Variants in OOSP1 observed in about 807,000 individuals in gnomAD.
OOSP1 encodes oocyte secreted protein 1, also known as putative oocyte-secreted protein 1 homolog.
A neutral mutation model predicts 5.7 loss-of-function variants in OOSP1; 11 were observed. That is an observed-to-expected ratio of 1.94 (90% CI 1.22 to 3.20). OOSP1 has a LOEUF of 3.20. OOSP1 is among the 30% of genes most tolerant of loss of function. The pLI, the probability that OOSP1 is intolerant of heterozygous loss-of-function variation, is 0.00. For synonymous variants in OOSP1, 44 were observed against 20.0 expected (o/e 2.20, Z -3.20); for missense variants, 83 against 54.1 (o/e 1.53, Z -1.67).
chr11:59,945,002 T>C (rs1171791887), intron 2 of OOSP1, among the ~76,000 whole-genome samples, 167 bp from the exon 3 acceptor site: 1 of 152,212 alleles, frequency 6.6e-6, no homozygotes, highest in Non-Finnish European at 1.5e-5. Context: ...CATCTGTCAG[T>C]TTGGAAAATG....
At chr11:59,947,288 C>CT (rs373576276) in intron 3 of OOSP1, among the ~76,000 whole-genome samples, 1,940 of 151,006 alleles carry the variant, frequency 0.013, 19 homozygotes, top group Middle Eastern at 0.031. Context: ...TATTCTTCTT[C>CT]TTTTTTTTTG....
At chr11:59,947,579 C>CTGGGGTGGGGTGTGT (rs1296262473) in intron 3 of OOSP1, among the ~76,000 whole-genome samples, 154 bp from the exon 4 acceptor site, 8 of 152,076 alleles carry the variant, frequency 5.3e-5, no homozygotes, top group Admixed American at 1.3e-4. Context: ...CTGTGATGTT[C>CTGGGGTGGGGTGTGT]TGGGGTGGGG....
chr11:59,949,945 G>C (rs187815800), intron 4 of OOSP1, among the ~76,000 whole-genome samples: 3 of 152,272 alleles, frequency 2.0e-5, no homozygotes, highest in African/African-American at 7.2e-5. Context: ...TGTCCTACTG[G>C]CATCTGTATA....
intron 4 of OOSP1, among the ~76,000 whole-genome samples, chr11:59,949,220 T>C (rs148600757): frequency 5.3e-5 from 8 of 152,258 alleles, no homozygotes; most frequent in African/African-American, 1.9e-4. Context: ...GAATCCCTCA[T>C]GGAGTTCACA....
chr11:59,951,355 C>G (rs779317184), intron 4 of OOSP1, among the ~76,000 whole-genome samples: 27 of 152,134 alleles, frequency 1.8e-4, no homozygotes, highest in Non-Finnish European at 3.7e-4. Flanking sequence ...TTTACCTACT[C>G]TCTTGAACTT....
At chr11:59,942,611 C>G (rs1009547421) in intron 1 of OOSP1, among the ~76,000 whole-genome samples, 6 of 152,042 alleles carry the variant, frequency 3.9e-5, no homozygotes, top group African/African-American at 1.4e-4. Flanking sequence ...TTGATTTTTT[C>G]CCCCCTATAT....
chr11:59,948,994 A>G (rs1237365949), intron 4 of OOSP1: 1 of 386,154 alleles, frequency 2.6e-6, no homozygotes, highest in Non-Finnish European at 4.6e-6. Flanking sequence ...TAACTTTATG[A>G]AGTTTTATTT....
chr11:59,945,586 CA>C (rs530206371), intron 3 of OOSP1, among the ~76,000 whole-genome samples: 2,235 of 136,028 alleles, frequency 0.016, 45 homozygotes, highest in African/African-American at 0.048. Flanking sequence ...CTAAAAATAC[CA>C]AAAAAAAAAA....
intron 4 of OOSP1, 24 bp from the exon 5 acceptor site, chr11:59,957,171 T>TAAATTTTAAG: frequency 2.5e-6 from 1 of 397,678 alleles, no homozygotes. Flanking sequence ...ATGAATCTAC[T>TAAATTTTAAG]TAAAATTTAT....
chr11:59,945,318 C>T (rs1269733873), intron 3 of OOSP1, 52 bp downstream of exon 3: 2 of 702,580 alleles, frequency 2.8e-6, no homozygotes, highest in Non-Finnish European at 5.2e-6. Context: ...CATTTACTGT[C>T]CAGACAAAAA....
intron 4 of OOSP1, among the ~76,000 whole-genome samples, chr11:59,948,377 T>G (rs1406760593): frequency 2.6e-5 from 4 of 152,156 alleles, no homozygotes; most frequent in African/African-American, 9.7e-5. Context: ...CACATTAATA[T>G]CTGGCTATTA....
At chr11:59,941,904 C>T (rs954006545) in intron 1 of OOSP1, among the ~76,000 whole-genome samples, 2 of 152,234 alleles carry the variant, frequency 1.3e-5, no homozygotes, top group African/African-American at 4.8e-5. Context: ...TTCATCTTAG[C>T]CATTGTGATA....
rs1853846312 is a variant in OOSP1, at chr11:59,942,978, G to GTC, written c.210_211dup (p.Tyr71SerfsTer15). 7 of 702,982 alleles carry GTC rather than the reference G, an allele frequency of 1.0e-5. No homozygotes were observed. The East Asian group carries it at 1.9e-4, about 19-fold the overall frequency. The allele number at this position is 702,982 out of a possible 1,614,324, so 43.5% of individuals were successfully genotyped here. A position where few individuals can be genotyped will look rare whatever the true frequency, so the allele number is the denominator to read the frequency against. ...CCATGTAACCCATGTTTTGCCAAAT[G>GTC]TCTACTATGAGTTTTTCTACCATCC... On this transcript the variant is annotated frameshift_variant, in exon 2 of 5. Coordinates refer to ENST00000646685, the Ensembl canonical transcript of OOSP1. LOFTEE classifies it high-confidence loss of function.
At chr11:59,944,364 G>C (rs747202869) in intron 2 of OOSP1, among the ~76,000 whole-genome samples, 1 of 142,642 alleles carries the variant, frequency 7.0e-6, no homozygotes, top group South Asian at 2.5e-4. Context: ...ACTGCGGGGG[G>C]GGGGCAGGGA....
intron 4 of OOSP1, among the ~76,000 whole-genome samples, chr11:59,953,201 G>A (rs1853958391): frequency 6.6e-6 from 1 of 152,064 alleles, no homozygotes; most frequent in African/African-American, 2.4e-5. Flanking sequence ...CCCAGATTAA[G>A]CTTCCCTACC....
chr11:59,953,308 C>T (rs1247884691), intron 4 of OOSP1, among the ~76,000 whole-genome samples: 4 of 152,062 alleles, frequency 2.6e-5, no homozygotes, highest in Non-Finnish European at 5.9e-5. Flanking sequence ...GCTCAGTTTC[C>T]TGCTACTCAG....
intron 4 of OOSP1, among the ~76,000 whole-genome samples, chr11:59,955,425 T>C (rs2134576722): frequency 6.6e-6 from 1 of 152,248 alleles, no homozygotes; most frequent in South Asian, 2.1e-4. Context: ...AAGATAGAAA[T>C]AGTAAGATAT....
intron 1 of OOSP1, among the ~76,000 whole-genome samples, chr11:59,939,132 CTCTT>C (rs1654835955): frequency 6.6e-6 from 1 of 152,048 alleles, no homozygotes; most frequent in Non-Finnish European, 1.5e-5. Flanking sequence ...ATTTCTGCTT[CTCTT>C]TCTCTTTTCC....
intron 4 of OOSP1, among the ~76,000 whole-genome samples, chr11:59,950,109 G>T (rs1311694883): frequency 6.6e-6 from 1 of 152,170 alleles, no homozygotes; most frequent in Admixed American, 6.5e-5. Context: ...TTGATCTAAA[G>T]ATTTGCAGAC....
Sources: gnomAD v4.1 joint callset for allele counts (sites outside exome capture counted in the v4.1 genomes callset) on GRCh38, gnomAD v4.1.1 for gene constraint, MANE v1.5 for transcripts, NCBI Gene and HGNC (gene_info 2026-07-23, HGNC 2026-07-21) for gene names.